Variants in FGGY observed in about 807,000 individuals in gnomAD.
FGGY encodes FGGY carbohydrate kinase domain containing.
Under a neutral mutation model 71.3 loss-of-function variants are expected in FGGY, and 72 were observed. The observed-to-expected ratio is 1.01, with a 90% CI of 0.84 to 1.23. The LOEUF is 1.23. Ranked by LOEUF, FGGY falls within the 50% of genes most tolerant of loss-of-function variation. The probability of loss-of-function intolerance (pLI) is 0.00; values close to 1 mark genes in which losing one functional copy is unlikely to be tolerated. For synonymous variants in FGGY, 251 were observed against 250.3 expected (o/e 1.00, Z -0.02); for missense variants, 668 against 682.3 (o/e 0.98, Z 0.23).
intron 4 of FGGY, among the ~76,000 whole-genome samples, chr1:59,370,738 TG>T (rs1181167090): frequency 1.3e-5 from 2 of 149,670 alleles, no homozygotes; most frequent in Non-Finnish European, 3.0e-5. Context: ...CAGAAGAGAG[TG>T]GGGGCCAATA....
In FGGY at chr1:59,641,281, G is replaced by C. The variant is rs770285878; in HGVS notation, c.1221+2906G>C. The stretch of plus-strand genomic sequence containing the variant: ...AGAAAATTTTCTCGGATTTCTCAGA[G>C]AACCACTGGATATCTGTATATTCCG... On this transcript the variant is annotated intron_variant, in intron 11 of 15. Coordinates refer to ENST00000303721, the MANE Select transcript of FGGY (RefSeq NM_018291.5). The C allele has an allele frequency of 1.1e-5, 17 of 1,609,398 alleles. 1 individual carries two copies. Among genetic ancestry groups the C allele is most frequent in the Non-Finnish European group, 1.4e-5 (16 of 1,178,166 alleles).
At chr1:59,737,074 C>A (rs928130065) in intron 14 of FGGY, among the ~76,000 whole-genome samples, 2 of 152,398 alleles carry the variant, frequency 1.3e-5, no homozygotes, top group East Asian at 3.9e-4. Context: ...AGGCGCAAGC[C>A]TCAAGCCTTG....
chr1:59,577,272 T>C (rs1269571680), intron 8 of FGGY, among the ~76,000 whole-genome samples: 1 of 152,164 alleles, frequency 6.6e-6, no homozygotes, highest in African/African-American at 2.4e-5. Flanking sequence ...AGCCAGGTGG[T>C]TAAAGATGAT....
At chr1:59,456,291 A>G (rs529274126) in intron 5 of FGGY, among the ~76,000 whole-genome samples, 15 of 152,196 alleles carry the variant, frequency 9.9e-5, no homozygotes, top group Non-Finnish European at 1.6e-4. Flanking sequence ...TAACATAACC[A>G]CAACTACCAA....
intron 5 of FGGY, among the ~76,000 whole-genome samples, chr1:59,433,324 TTTAAA>T (rs1224200073): frequency 6.6e-6 from 1 of 152,160 alleles, no homozygotes; most frequent in Non-Finnish European, 1.5e-5. Context: ...GAACCACTGA[TTTAAA>T]TTAAATGAAG....
intron 2 of FGGY, among the ~76,000 whole-genome samples, chr1:59,323,825 A>G (rs141519788): frequency 2.0e-5 from 3 of 152,318 alleles, no homozygotes; most frequent in African/African-American, 4.8e-5. Flanking sequence ...GTTGTTTCCT[A>G]TGGTGGTGCT....
intron 5 of FGGY, among the ~76,000 whole-genome samples, chr1:59,452,613 T>C (rs2091294554): frequency 6.6e-6 from 1 of 152,238 alleles, no homozygotes; most frequent in African/African-American, 2.4e-5. Context: ...TGCCTACTCA[T>C]TGATAAATGC....
At position 59,635,549 on chromosome 1, in the gene FGGY, CAA is replaced by C. The variant is rs34529086; in HGVS notation, c.1074-2663_1074-2662del. Among the ~76,000 whole-genome samples, 299 of 131,048 alleles carry C rather than the reference CAA, an allele frequency of 2.3e-3. 1 individual carries two copies. The highest frequency in any genetic ancestry group is 0.018 in the South Asian group (76 of 4,122). 86.0% of individuals were successfully genotyped at this position (131,048 alleles called of 152,430 possible). A position where few individuals can be genotyped will look rare whatever the true frequency, so the allele number is the denominator to read the frequency against. On this transcript the variant is annotated intron_variant, in intron 10 of 15. Transcript: ENST00000303721. ...GAAAAGATTTATAGACATGCGTTTC[CAA>C]AAAAAAAAAAAAAAATCCCTTTACT...
intron 5 of FGGY, among the ~76,000 whole-genome samples, chr1:59,433,094 T>G (rs529643330): frequency 2.6e-5 from 4 of 152,328 alleles, no homozygotes; most frequent in Admixed American, 1.3e-4. Context: ...GTTTTAGACA[T>G]TGAAATCAGG....
chr1:59,389,615 T>TG (rs1270786192), intron 5 of FGGY, among the ~76,000 whole-genome samples: 1 of 152,196 alleles, frequency 6.6e-6, no homozygotes, highest in African/African-American at 2.4e-5. Flanking sequence ...GTGAAATTAC[T>TG]GGTTCCATAG....
chr1:59,621,412 T>C (rs891942515), intron 9 of FGGY, among the ~76,000 whole-genome samples: 1 of 146,822 alleles, frequency 6.8e-6, no homozygotes, highest in African/African-American at 2.5e-5. Flanking sequence ...TGAGTTTCCA[T>C]GTGATATCTT....
chr1:59,742,053 T>A (rs1203492760), intron 14 of FGGY, among the ~76,000 whole-genome samples: 1 of 151,718 alleles, frequency 6.6e-6, no homozygotes, highest in Non-Finnish European at 1.5e-5. Flanking sequence ...CAGTGAGCTA[T>A]GATCATGCCA....
chr1:59,339,059 C>G (rs1463792217), intron 2 of FGGY, among the ~76,000 whole-genome samples: 2 of 152,156 alleles, frequency 1.3e-5, no homozygotes, highest in African/African-American at 4.8e-5. Flanking sequence ...TCTGATGATT[C>G]AGTGTACATA....
chr1:59,490,809 C>A (rs2153584013), intron 6 of FGGY, among the ~76,000 whole-genome samples: 1 of 151,924 alleles, frequency 6.6e-6, no homozygotes, highest in South Asian at 2.1e-4. Context: ...GCTGTTGGTG[C>A]TTTTTTCAAA....
At chr1:59,383,298 G>C (rs2059693744) in intron 5 of FGGY, among the ~76,000 whole-genome samples, 1 of 152,146 alleles carries the variant, frequency 6.6e-6, no homozygotes, top group South Asian at 2.1e-4. Context: ...GGTAGTATAT[G>C]ATCAGGTAAC....
intron 7 of FGGY, among the ~76,000 whole-genome samples, chr1:59,515,656 G>A (rs1227924175): frequency 2.0e-5 from 3 of 152,198 alleles, no homozygotes; most frequent in African/African-American, 7.2e-5. Context: ...CTGTTCTCGT[G>A]ATAGTAAGTC....
chr1:59,405,085 A>G (rs1415606738), intron 5 of FGGY, among the ~76,000 whole-genome samples: 1 of 152,240 alleles, frequency 6.6e-6, no homozygotes, highest in Non-Finnish European at 1.5e-5. Flanking sequence ...CATTTTTCAA[A>G]CTGCTGAAAT....
intron 5 of FGGY, among the ~76,000 whole-genome samples, chr1:59,381,663 GTGTGTGTA>G (rs1323682544): frequency 0.023 from 3,074 of 134,976 alleles, 93 homozygotes; most frequent in African/African-American, 0.078. Flanking sequence ...GTGTGTGTGT[GTGTGTGTA>G]TATTTTGGCC....
intron 5 of FGGY, among the ~76,000 whole-genome samples, chr1:59,387,837 T>C (rs1334337035): frequency 6.6e-6 from 1 of 152,152 alleles, no homozygotes; most frequent in Non-Finnish European, 1.5e-5. Flanking sequence ...ACTAACAACA[T>C]TTTCCTTTAT....
Sources: gnomAD v4.1 joint callset for allele counts (sites outside exome capture counted in the v4.1 genomes callset) on GRCh38, gnomAD v4.1.1 for gene constraint, MANE v1.5 for transcripts, NCBI Gene and HGNC (gene_info 2026-07-23, HGNC 2026-07-21) for gene names.